THRB: variants seen among roughly 807,000 people sequenced by gnomAD.
THRB encodes thyroid hormone receptor beta.
In THRB, 12 loss-of-function variants were observed where a neutral mutation model predicts 47.8. That is an observed-to-expected ratio of 0.25 (90% CI 0.16 to 0.41). The LOEUF is 0.41. THRB is among the 10% of genes least tolerant of loss of function. The probability of loss-of-function intolerance (pLI) is 1.00; values close to 1 mark genes in which losing one functional copy is unlikely to be tolerated. For synonymous variants in THRB, 218 were observed against 212.2 expected, an observed-to-expected ratio of 1.03 and a Z score of -0.24; for missense variants, 348 against 589.2, an observed-to-expected ratio of 0.59 and a Z score of 4.24.
At chr3:24,448,751 G>C (rs1284155810) in intron 1 of THRB, among the ~76,000 whole-genome samples, 2 of 152,200 alleles carry the variant, frequency 1.3e-5, no homozygotes, top group Non-Finnish European at 2.9e-5. Context: ...ATGTTCAAGA[G>C]TCAGCAAGTT....
intron 1 of THRB, among the ~76,000 whole-genome samples, chr3:24,355,191 G>T (rs2063597399): frequency 6.6e-6 from 1 of 152,046 alleles, no homozygotes; most frequent in Non-Finnish European, 1.5e-5. Flanking sequence ...TCATTAATGT[G>T]GTGTTTCCTT....
chr3:24,143,429 A>G, intron 8 of THRB, 72 bp downstream of exon 8: 2 of 1,434,288 alleles, frequency 1.4e-6, no homozygotes, highest in South Asian at 1.2e-5. Context: ...TCCCAAGGTG[A>G]TGAGGACTGA....
At chr3:24,248,618 G>A (rs1229564359) in intron 3 of THRB, among the ~76,000 whole-genome samples, 2 of 152,146 alleles carry the variant, frequency 1.3e-5, no homozygotes, top group Non-Finnish European at 2.9e-5. Flanking sequence ...GAAGAAGACT[G>A]GAAGGTGAGG....
intron 3 of THRB, among the ~76,000 whole-genome samples, chr3:24,266,518 A>C (rs1384708895): frequency 6.6e-6 from 1 of 152,188 alleles, no homozygotes; most frequent in East Asian, 1.9e-4. Context: ...TCTTGTGTAC[A>C]GTCATGAAAC....
chr3:24,326,062 T>G (rs1044078209), intron 2 of THRB, among the ~76,000 whole-genome samples: 1 of 152,208 alleles, frequency 6.6e-6, no homozygotes, highest in Non-Finnish European at 1.5e-5. Context: ...CATAGATCAC[T>G]GCAATCCACC....
intron 1 of THRB, among the ~76,000 whole-genome samples, chr3:24,404,951 C>T (rs1176115099): frequency 6.6e-6 from 1 of 151,844 alleles, no homozygotes; most frequent in Non-Finnish European, 1.5e-5. Flanking sequence ...AGTCTATAAC[C>T]TTACCAAACC....
At chr3:24,368,735 T>C (rs181578130) in intron 1 of THRB, among the ~76,000 whole-genome samples, 102 of 152,290 alleles carry the variant, frequency 6.7e-4, no homozygotes, top group Admixed American at 1.4e-3. Flanking sequence ...TCCCTGGCAA[T>C]AGCCAGAAAG....
chr3:24,445,867 A>G (rs1177868046), intron 1 of THRB, among the ~76,000 whole-genome samples: 3 of 152,224 alleles, frequency 2.0e-5, no homozygotes, highest in Non-Finnish European at 4.4e-5. Flanking sequence ...CGTACATCCA[A>G]AAGTGCAATA....
At chr3:24,141,255 G>A (rs1028825268) in intron 8 of THRB, among the ~76,000 whole-genome samples, 9 of 152,202 alleles carry the variant, frequency 5.9e-5, no homozygotes, top group African/African-American at 2.2e-4. Flanking sequence ...ACTGTTAGGA[G>A]CCTTTAAGTG....
intron 1 of THRB, among the ~76,000 whole-genome samples, chr3:24,390,460 T>G (rs1410213228): frequency 6.6e-6 from 1 of 152,132 alleles, no homozygotes; most frequent in Non-Finnish European, 1.5e-5. Flanking sequence ...GATAAATGTG[T>G]TAGGTCTTGC....
chr3:24,392,107 A>G (rs1436906242), intron 1 of THRB, among the ~76,000 whole-genome samples: 1 of 152,132 alleles, frequency 6.6e-6, no homozygotes, highest in African/African-American at 2.4e-5. Flanking sequence ...ACAACTACAC[A>G]TAAGGTTTTG....
At chr3:24,166,703 G>C (rs1218796477) in intron 5 of THRB, among the ~76,000 whole-genome samples, 3 of 152,110 alleles carry the variant, frequency 2.0e-5, no homozygotes, top group African/African-American at 4.8e-5. Flanking sequence ...TAGGCAGCTT[G>C]TTTTCAGGGC....
At chr3:24,378,413 T>C (rs1273457384) in intron 1 of THRB, among the ~76,000 whole-genome samples, 1 of 152,184 alleles carries the variant, frequency 6.6e-6, no homozygotes, top group Non-Finnish European at 1.5e-5. Flanking sequence ...AATGAAAACA[T>C]GCTCAGTGGG....
At chr3:24,152,832 G>C (rs1475706863) in intron 5 of THRB, among the ~76,000 whole-genome samples, 1 of 151,772 alleles carries the variant, frequency 6.6e-6, no homozygotes, top group African/African-American at 2.4e-5. Context: ...CATGGTGACA[G>C]GCACCTGTAA....
At chr3:24,238,358 T>C (rs991591584) in intron 3 of THRB, among the ~76,000 whole-genome samples, 1 of 148,220 alleles carries the variant, frequency 6.7e-6, no homozygotes, top group Non-Finnish European at 1.5e-5. Flanking sequence ...AATTAATTCC[T>C]AAGGAATGAG....
At chr3:24,334,611 A>T (rs2062124296) in intron 2 of THRB, among the ~76,000 whole-genome samples, 1 of 152,180 alleles carries the variant, frequency 6.6e-6, no homozygotes, top group Admixed American at 6.5e-5. Context: ...GAGAGCCAAC[A>T]ACAACCAATT....
intron 1 of THRB, among the ~76,000 whole-genome samples, chr3:24,461,392 A>G (rs1336627748): frequency 6.6e-6 from 1 of 152,218 alleles, no homozygotes; most frequent in African/African-American, 2.4e-5. Context: ...TAGCTGGTAT[A>G]CTGTATACTC....
chr3:24,495,703 C>G (rs971104256), upstream of THRB: 2 of 152,342 alleles, frequency 1.3e-5, no homozygotes, highest in East Asian at 3.9e-4. Flanking sequence ...GCCTTCTTTG[C>G]CCGGCCCGAC....
chr3:24,320,532 T>G (rs528854252), intron 2 of THRB, among the ~76,000 whole-genome samples: 16 of 152,316 alleles, frequency 1.1e-4, no homozygotes, highest in African/African-American at 3.4e-4. Context: ...TGAACATGTT[T>G]CTGAGTTGAG....
Sources: gnomAD v4.1 joint callset for allele counts (sites outside exome capture counted in the v4.1 genomes callset) on GRCh38, gnomAD v4.1.1 for gene constraint, MANE v1.5 for transcripts, NCBI Gene and HGNC (gene_info 2026-07-23, HGNC 2026-07-21) for gene names.